Variants in NCAM2 observed in about 807,000 individuals in gnomAD.
The protein encoded by NCAM2 is N-CAM-2.
A neutral mutation model predicts 98.1 loss-of-function variants in NCAM2; 30 were observed. The observed-to-expected ratio is 0.31, with a 90% confidence interval of 0.23 to 0.41. NCAM2 has a LOEUF of 0.41. NCAM2 is among the 10% of genes least tolerant of loss of function. The pLI is 1.00. For missense variants in NCAM2, 867 were observed against 1,005.8 expected (o/e 0.86, Z 1.87); for synonymous variants, 368 against 342.4 (o/e 1.07, Z -0.83).
At chr21:21,313,533 G>A (rs13046157) in intron 5 of NCAM2, among the ~76,000 whole-genome samples, 23,738 of 151,556 alleles carry the variant, frequency 0.16, 2,271 homozygotes, top group Middle Eastern at 0.3. Flanking sequence ...CTTTTGATTA[G>A]CATTTGAATG....
At position 21,300,624 on chromosome 21, in the gene NCAM2, A is replaced by G. The variant is rs563851529; in HGVS notation, c.619+8383A>G. Among the ~76,000 whole-genome samples the G allele has an allele frequency of 2.0e-5, 3 of 152,168 alleles. No individual in the cohort carries two copies. The South Asian group carries it at 6.2e-4, about 31-fold the overall frequency. ...TCACAGATAACACCATTAATCCTTC[A>G]AGGAAAAAGGTGATATTTTATAACC... On this transcript the variant is annotated intron_variant, in intron 5 of 17. Transcript: ENST00000400546.
chr21:21,387,730 C>G (rs2145811640), intron 9 of NCAM2, among the ~76,000 whole-genome samples: 1 of 152,242 alleles, frequency 6.6e-6, no homozygotes, highest in East Asian at 1.9e-4. Context: ...TATGAATCAG[C>G]CGTATGGTAC....
chr21:21,466,319 A>T (rs1983673152), intron 12 of NCAM2, among the ~76,000 whole-genome samples: 1 of 151,964 alleles, frequency 6.6e-6, no homozygotes, highest in Non-Finnish European at 1.5e-5. Flanking sequence ...TTGGATATTA[A>T]AAAGATTTAA....
At chr21:21,246,845 G>A (rs573876528) in intron 1 of NCAM2, among the ~76,000 whole-genome samples, 366 of 152,262 alleles carry the variant, frequency 2.4e-3, no homozygotes, top group African/African-American at 7.8e-3. Flanking sequence ...GGCTGTAAAT[G>A]TACTGTATGG....
In NCAM2 at chr21:21,538,084, A is replaced by G. The variant is rs896867912; in HGVS notation, c.*127A>G. On this transcript the variant is annotated 3_prime_UTR_variant, in exon 18 of 18. Transcript: ENST00000400546. Reference sequence around the variant, plus strand: ...CTAGCTTGGAATAGCTTGTACACATATACATATGATCAAATACTCCTGCCC... The same window carrying G: ...CTAGCTTGGAATAGCTTGTACACATGTACATATGATCAAATACTCCTGCCC... The G allele has an allele frequency of 2.2e-6, 1 of 446,890 alleles. No homozygotes were observed. The highest frequency in any genetic ancestry group is 7.1e-5 in the South Asian group (1 of 14,168). The allele number at this position is 446,890 out of a possible 1,614,324, so 27.7% of individuals were successfully genotyped here. A position where few individuals can be genotyped will look rare whatever the true frequency, so the allele number is the denominator to read the frequency against.
intron 1 of NCAM2, among the ~76,000 whole-genome samples, chr21:21,050,312 A>C (rs552378958): frequency 6.6e-6 from 1 of 152,288 alleles, no homozygotes; most frequent in Non-Finnish European, 1.5e-5. Context: ...AGTATGCCAA[A>C]ACCTGATTTT....
chr21:21,039,025 TTATTC>T (rs1256533705), intron 1 of NCAM2, among the ~76,000 whole-genome samples: 2 of 152,192 alleles, frequency 1.3e-5, no homozygotes, highest in South Asian at 2.1e-4. Flanking sequence ...TAAGATTTGT[TTATTC>T]TATTAATAAT....
At chr21:21,282,949 C>A (rs2072980540) in intron 2 of NCAM2, among the ~76,000 whole-genome samples, 2 of 151,636 alleles carry the variant, frequency 1.3e-5, no homozygotes, top group Non-Finnish European at 1.5e-5. Flanking sequence ...TCAGAATATC[C>A]TATTTAACTT....
chr21:21,524,446 C>T (rs1464096530), intron 16 of NCAM2, among the ~76,000 whole-genome samples: 4 of 144,966 alleles, frequency 2.8e-5, no homozygotes, highest in African/African-American at 1.0e-4. Context: ...AAATGGAATA[C>T]ATGAACCCAG....
chr21:21,052,916 T>C (rs2065140712), intron 1 of NCAM2, among the ~76,000 whole-genome samples: 1 of 152,196 alleles, frequency 6.6e-6, no homozygotes, highest in African/African-American at 2.4e-5. Flanking sequence ...ATAAGCCTCA[T>C]ATACTCATTT....
intron 1 of NCAM2, among the ~76,000 whole-genome samples, chr21:21,218,915 T>C (rs1207205923): frequency 6.6e-6 from 1 of 152,192 alleles, no homozygotes; most frequent in Admixed American, 6.5e-5. Flanking sequence ...TGGTGGCACA[T>C]GCCTGTAATC....
At chr21:21,233,619 T>C (rs1390401359) in intron 1 of NCAM2, among the ~76,000 whole-genome samples, 1 of 151,718 alleles carries the variant, frequency 6.6e-6, no homozygotes, top group Non-Finnish European at 1.5e-5. Context: ...CTGAATGCAC[T>C]TAAATTTCAA....
intron 1 of NCAM2, among the ~76,000 whole-genome samples, chr21:21,199,943 T>C (rs919391844): frequency 1.3e-5 from 2 of 152,048 alleles, no homozygotes; most frequent in African/African-American, 4.8e-5. Flanking sequence ...AAGTGGCCAC[T>C]AAAGAGAGAA....
chr21:21,469,663 A>C (rs1030442451), intron 14 of NCAM2, among the ~76,000 whole-genome samples: 2 of 151,956 alleles, frequency 1.3e-5, no homozygotes, highest in African/African-American at 4.8e-5. Flanking sequence ...GTATTTTCTC[A>C]TCAATTTTCT....
chr21:21,329,887 C>T (rs80073952), intron 6 of NCAM2, among the ~76,000 whole-genome samples: 2,854 of 152,130 alleles, frequency 0.019, 92 homozygotes, highest in East Asian at 0.15. Flanking sequence ...AGATGATTAA[C>T]GCAATTCCAG....
At chr21:21,330,912 A>C (rs2074658367) in intron 6 of NCAM2, among the ~76,000 whole-genome samples, 1 of 152,138 alleles carries the variant, frequency 6.6e-6, no homozygotes, top group South Asian at 2.1e-4. Context: ...AATATTTTCT[A>C]CTGTAATATC....
chr21:21,324,456 C>T lies in NCAM2; in HGVS notation c.693C>T (p.Ser231=). Residue 231 remains serine, a synonymous_variant, in exon 6 of 18, where the codon TCC becomes TCT. Coordinates refer to ENST00000400546, the MANE Select transcript of NCAM2 (RefSeq NM_004540.5). ...TAERGEEMTF[S]CRASGSPEPA... ...AGAGAGGAGAAGAAATGACATTTTC[C>T]TGCAGGGCCTCAGGCTCTCCAGAAC... 1 of 1,613,702 alleles carries T rather than the reference C, an allele frequency of 6.2e-7. No individual in the cohort carries two copies. Among genetic ancestry groups the T allele is most frequent in the East Asian group, 2.2e-5 (1 of 44,840 alleles).
chr21:21,133,984 T>G (rs2066988903), intron 1 of NCAM2, among the ~76,000 whole-genome samples: 2 of 151,852 alleles, frequency 1.3e-5, no homozygotes, highest in Admixed American at 6.6e-5. Flanking sequence ...TGATCAGACC[T>G]CATTTCTGGT....
chr21:21,218,056 C>T (rs2069979069), intron 1 of NCAM2, among the ~76,000 whole-genome samples: 1 of 152,178 alleles, frequency 6.6e-6, no homozygotes, highest in Admixed American at 6.5e-5. Context: ...ATATTGTGCC[C>T]ATGCTTGTGA....
Sources: gnomAD v4.1 joint callset for allele counts (sites outside exome capture counted in the v4.1 genomes callset) on GRCh38, gnomAD v4.1.1 for gene constraint, MANE v1.5 for transcripts, NCBI Gene and HGNC (gene_info 2026-07-23, HGNC 2026-07-21) for gene names.